Variants in NRXN3 observed in about 807,000 individuals in gnomAD.
NRXN3 encodes the protein neurexin III.
In NRXN3, 32 loss-of-function variants were observed where a neutral mutation model predicts 137.6. The observed-to-expected ratio is 0.23, with a 90% CI of 0.18 to 0.31. The LOEUF (loss-of-function observed/expected upper bound fraction) is 0.31, where lower values mean the gene tolerates loss of function less well. Among genes scored for constraint, NRXN3 ranks in the 10% least tolerant of loss-of-function variants. NRXN3 has a pLI of 1.00. For missense variants in NRXN3, 1,574 were observed against 2,062.5 expected (o/e 0.76, Z 4.59); for synonymous variants, 798 against 784.5 (o/e 1.02, Z -0.29).
intron 15 of NRXN3, among the ~76,000 whole-genome samples, chr14:79,307,218 C>T (rs145159510): frequency 1.3e-5 from 2 of 152,148 alleles, no homozygotes; most frequent in Non-Finnish European, 2.9e-5. Context: ...GCCTCAAAAA[C>T]ATTAAATAAG....
chr14:79,035,510 A>G (rs1595188231), intron 15 of NRXN3, among the ~76,000 whole-genome samples: 1 of 152,238 alleles, frequency 6.6e-6, no homozygotes, highest in East Asian at 1.9e-4. Flanking sequence ...TAGAAATCAT[A>G]GATTTTTGGT....
intron 4 of NRXN3, among the ~76,000 whole-genome samples, chr14:78,476,541 T>G (rs1310936114): frequency 6.6e-6 from 1 of 152,162 alleles, no homozygotes. Context: ...AGAGAAATAA[T>G]TTTTTGTTTT....
chr14:78,730,105 A>G (rs2098507901), intron 8 of NRXN3, among the ~76,000 whole-genome samples: 1 of 152,156 alleles, frequency 6.6e-6, no homozygotes. Flanking sequence ...GGCCTGTAGC[A>G]ACTATTCCTG....
intron 10 of NRXN3, among the ~76,000 whole-genome samples, chr14:78,894,339 A>G (rs902252411): frequency 3.3e-5 from 5 of 151,960 alleles, no homozygotes; most frequent in South Asian, 2.1e-4. Flanking sequence ...TGTTCACAGC[A>G]TCTTTACCAG....
rs569331831 is a variant in NRXN3, at chr14:79,107,442, A to G, written c.3262+119301A>G. Reference sequence around the variant, plus strand: ...GACTGCCAGCATCGAAGGCCATAGTAAGCAATTAAGATATAATTCCAAAAG... The same window carrying G: ...GACTGCCAGCATCGAAGGCCATAGTGAGCAATTAAGATATAATTCCAAAAG... On this transcript the variant is annotated intron_variant, in intron 15 of 20. Coordinates refer to ENST00000335750, the MANE Select transcript of NRXN3 (RefSeq NM_001330195.2). 2.0e-5 allele frequency among the ~76,000 whole-genome samples: 3 copies of G among 152,296 alleles called. No individual in the cohort carries two copies. The East Asian group carries it at 5.8e-4, about 29-fold the overall frequency.
intron 15 of NRXN3, among the ~76,000 whole-genome samples, chr14:79,250,477 AC>A (rs960583195): frequency 2.0e-5 from 3 of 152,224 alleles, no homozygotes; most frequent in Non-Finnish European, 4.4e-5. Context: ...GAGAGCTTTT[AC>A]AAACCTTTGC....
At chr14:78,755,742 AC>A (rs2098665269) in intron 8 of NRXN3, among the ~76,000 whole-genome samples, 1 of 152,180 alleles carries the variant, frequency 6.6e-6, no homozygotes, top group South Asian at 2.1e-4. Context: ...CCTGAAATAA[AC>A]CTGTTTTGCT....
intron 8 of NRXN3, among the ~76,000 whole-genome samples, chr14:78,773,405 A>G (rs974737830): frequency 5.3e-5 from 8 of 152,062 alleles, no homozygotes; most frequent in Non-Finnish European, 7.4e-5. Context: ...AGTGTCAGCC[A>G]GGCTGCATGG....
chr14:79,301,409 A>G lies in NRXN3; in HGVS notation c.3263-165812A>G, dbSNP rs552352288. Among the ~76,000 whole-genome samples, 5 of 152,138 alleles carry G rather than the reference A, an allele frequency of 3.3e-5. No individual in the cohort carries two copies. The South Asian group carries it at 1.0e-3, about 32-fold the overall frequency. On this transcript the variant is annotated intron_variant, in intron 15 of 20. Coordinates refer to ENST00000335750, the MANE Select transcript of NRXN3 (RefSeq NM_001330195.2). ...CATTAAGATGGGTTGTGGACACTTC[A>G]AGGCCATTCTGAACCAGTGGTCATA... is the stretch of plus-strand genomic sequence containing the variant.
At chr14:78,297,899 C>T in intron 4 of NRXN3, 39 bp downstream of exon 4, 1 of 1,535,764 alleles carries the variant, frequency 6.5e-7, no homozygotes, top group Non-Finnish European at 8.7e-7. Context: ...GCTGCCTGAA[C>T]TGCTTGCCTC....
intron 10 of NRXN3, among the ~76,000 whole-genome samples, chr14:78,868,824 AAAAATAAAAT>A (rs377747187): frequency 6.6e-5 from 10 of 152,066 alleles, no homozygotes; most frequent in East Asian, 1.9e-4. Flanking sequence ...TCCATCTCAA[AAAAATAAAAT>A]AAAATAAAAT....
intron 16 of NRXN3, among the ~76,000 whole-genome samples, chr14:79,660,911 A>G (rs2098530110): frequency 6.6e-6 from 1 of 152,114 alleles, no homozygotes; most frequent in African/African-American, 2.4e-5. Flanking sequence ...TAAGCAGGTT[A>G]TGGCTCACAT....
intron 15 of NRXN3, among the ~76,000 whole-genome samples, chr14:79,030,156 C>A (rs1163865963): frequency 6.6e-6 from 1 of 150,654 alleles, no homozygotes; most frequent in African/African-American, 2.4e-5. Flanking sequence ...AATAGAATTG[C>A]AGGTGTGAGC....
chr14:79,849,056 C>T (rs777446747), intron 20 of NRXN3, among the ~76,000 whole-genome samples: 12 of 152,186 alleles, frequency 7.9e-5, no homozygotes, highest in Non-Finnish European at 1.6e-4. Context: ...CTCTTCCCCA[C>T]ACCCAGTCAA....
intron 15 of NRXN3, among the ~76,000 whole-genome samples, chr14:78,989,033 C>T (rs2099513158): frequency 6.6e-6 from 1 of 152,072 alleles, no homozygotes; most frequent in Non-Finnish European, 1.5e-5. Context: ...TTGATGTGAC[C>T]ATAGTAAAGA....
At chr14:79,349,707 G>A (rs1476843480) in intron 15 of NRXN3, among the ~76,000 whole-genome samples, 2 of 151,962 alleles carry the variant, frequency 1.3e-5, no homozygotes, top group Admixed American at 1.3e-4. Context: ...TTACCTGTTT[G>A]GAAACAGTCT....
At chr14:79,457,253 G>A (rs776529059) in intron 15 of NRXN3, among the ~76,000 whole-genome samples, 66 of 152,228 alleles carry the variant, frequency 4.3e-4, no homozygotes, top group Non-Finnish European at 8.2e-4. Flanking sequence ...GATGTGCTGC[G>A]CCGATAGAAT....
At chr14:79,447,006 A>G (rs1395468355) in intron 15 of NRXN3, among the ~76,000 whole-genome samples, 1 of 152,190 alleles carries the variant, frequency 6.6e-6, no homozygotes, top group Non-Finnish European at 1.5e-5. Context: ...CTTTTCAAAA[A>G]ATACTTCTTA....
chr14:79,080,775 C>G (rs74855520), intron 15 of NRXN3, among the ~76,000 whole-genome samples: 2 of 152,156 alleles, frequency 1.3e-5, no homozygotes, highest in Non-Finnish European at 2.9e-5. Flanking sequence ...AAATGCTTGT[C>G]CTACTTCTCC....
Sources: allele counts gnomAD v4.1 joint callset (sites outside exome capture counted in the v4.1 genomes callset), GRCh38; gene constraint gnomAD v4.1.1; transcripts MANE v1.5; gene names NCBI Gene and HGNC (gene_info 2026-07-23, HGNC 2026-07-21).